Variants in AURKB observed in about 807,000 individuals in gnomAD.
AURKB encodes aurora kinase B.
In AURKB, 28 loss-of-function variants were observed where a neutral mutation model predicts 36.5. That is an observed-to-expected ratio of 0.77 (90% CI 0.57 to 1.05). AURKB has a LOEUF of 1.05. AURKB is among the 50% of genes least tolerant of loss of function. AURKB has a pLI of 0.00. For synonymous variants in AURKB, 175 were observed against 172.9 expected (o/e 1.01, Z -0.09); for missense variants, 383 against 447.4 (o/e 0.86, Z 1.30).
At chr17:8,207,445 C>T (rs1373400691) in intron 4 of AURKB, 78 bp from the exon 5 acceptor site, 3 of 1,563,918 alleles carry the variant, frequency 1.9e-6, no homozygotes, top group Non-Finnish European at 2.6e-6. Flanking sequence ...GCTTCCTCAT[C>T]CCATCCTGTC....
In AURKB at chr17:8,205,331, A is replaced by C. The variant is rs1195973827; in HGVS notation, c.746T>G (p.Met249Arg). Residue 249 changes from methionine (M) to arginine (R), a missense_variant, in exon 8 of 9, where the codon ATG becomes AGG. Around this residue, in one of 3 missense-constraint regions of AURKB, gnomAD observed 219 missense variants for 252.6 expected, o/e 0.87. Coordinates refer to ENST00000585124, the MANE Select transcript of AURKB (RefSeq NM_004217.4). Reference protein sequence around the residue: ...YLPPEMIEGRMHNEKVDLWCI... With the variant: ...YLPPEMIEGRRHNEKVDLWCI... The stretch of plus-strand genomic sequence containing the variant: ...CCACAGATCCACCTTCTCATTGTGC[A>C]TGCGCCCCTCAATCATCTCTGGGGG... The C allele has an allele frequency of 1.2e-6, 2 of 1,614,040 alleles. No individual in the cohort carries two copies. Among genetic ancestry groups the C allele is most frequent in the African/African-American group, 1.3e-5 (1 of 74,908 alleles).
In AURKB at chr17:8,204,896, G is replaced by A; in HGVS notation, c.1010C>T (p.Pro337Leu). ...VRANSRRVLP[P>L]SALQSVA The stretch of plus-strand genomic sequence containing the variant: ...TCAGGCGACAGATTGAAGGGCAGAG[G>A]GAGGCAGCACCCTCCGAGAGTTGGC... The change falls in exon 9 of 9, where the codon CCC becomes CTC. Residue 337 changes from proline (P) to leucine (L), a missense_variant. Coordinates refer to ENST00000585124, the MANE Select transcript of AURKB (RefSeq NM_004217.4). The A allele has an allele frequency of 1.2e-6, 2 of 1,609,134 alleles. No individual in the cohort carries two copies. The highest frequency in any genetic ancestry group is 1.7e-6 in the Non-Finnish European group (2 of 1,178,852).
intron 8 of AURKB, 84 bp downstream of exon 8, chr17:8,205,132 G>A: frequency 6.5e-7 from 1 of 1,549,382 alleles, no homozygotes; most frequent in South Asian, 1.2e-5. Flanking sequence ...AGTTACTTAG[G>A]GCCATGCAAA....
At chr17:8,209,815 C>T in intron 2 of AURKB, 2 of 357,072 alleles carry the variant, frequency 5.6e-6, no homozygotes, top group Admixed American at 4.7e-5. Context: ...ACTTTATATC[C>T]TTTTAGAGTC....
intron 5 of AURKB, 114 bp downstream of exon 5, chr17:8,207,062 A>AT: frequency 1.4e-6 from 2 of 1,441,066 alleles, no homozygotes; most frequent in Non-Finnish European, 1.9e-6. Context: ...TAAGAGCTAA[A>AT]TGGGGCTCAC....
Position 8,206,945 on chromosome 17 carries a change from T to C in AURKB, c.399-57A>G. ...AAAGGCATAAAAGAGCTGGAAAAGA[T>C]GATAGGAGCAAACTGGGGTCAGACG... On this transcript the variant is annotated intron_variant, in intron 5 of 8. Transcript: ENST00000585124. The surrounding 1 kb of genome is among the most constrained non-coding windows in gnomAD (Gnocchi z 4.2). The C allele has an allele frequency of 6.2e-7, 1 of 1,611,400 alleles. No homozygotes were observed. The highest frequency in any genetic ancestry group is 1.1e-5 in the South Asian group (1 of 90,932).
chr17:8,208,093 C>G (rs1985603412), intron 2 of AURKB: 1 of 346,644 alleles, frequency 2.9e-6, no homozygotes, highest in Non-Finnish European at 5.3e-6. Context: ...CCAGCCTGGC[C>G]AACATGGTGA....
chr17:8,207,162 G>A lies in AURKB; in HGVS notation c.398+14C>T, dbSNP rs192781364. On this transcript the variant is annotated intron_variant, in intron 5 of 8. Transcript: ENST00000585124. ...GAGCAGAGGGGCTTCGGCTCAGGGG[G>A]CATCAACCCATACTGCAGGTGGGCC... 154 of 1,607,352 alleles carry A rather than the reference G, an allele frequency of 9.6e-5. No homozygotes were observed. The African/African-American group carries it at 1.6e-3, about 17-fold the overall frequency.
rs576118477 is a variant in AURKB at position 8,206,217 on chromosome 17, G to A, written c.686+274C>T. On this transcript the variant is annotated intron_variant, in intron 7 of 8. Transcript: ENST00000585124. This position sits in a 1 kb window ranked among gnomAD's most constrained non-coding sequence, Gnocchi z 4.2. ...GTAATCTCGGCTCACTGCAACCTCC[G>A]CCTCCCAGGTTCAAACAATTCTCCT... Among the ~76,000 whole-genome samples the A allele has an allele frequency of 1.3e-4, 19 of 147,888 alleles. No homozygotes were observed. Among genetic ancestry groups the A allele is most frequent in the South Asian group, 1.3e-3 (6 of 4,704 alleles).
intron 2 of AURKB, among the ~76,000 whole-genome samples, chr17:8,208,825 A>G (rs535994826): frequency 9.9e-5 from 15 of 152,250 alleles, no homozygotes; most frequent in African/African-American, 3.4e-4. Context: ...GTCAATGAAC[A>G]CCCACAATTC....
intron 2 of AURKB, chr17:8,209,932 C>CTGCA (rs1985880784): frequency 3.4e-6 from 2 of 580,078 alleles, no homozygotes; most frequent in African/African-American, 1.9e-5. Flanking sequence ...TTGTATGTGA[C>CTGCA]GAGCCCTGCA....
At position 8,206,058 on chromosome 17, in the gene AURKB, C is replaced by T. The variant is rs1985219346; in HGVS notation, c.686+433G>A. On this transcript the variant is annotated intron_variant, in intron 7 of 8. Transcript: ENST00000585124. This position sits in a 1 kb window ranked among gnomAD's most constrained non-coding sequence, Gnocchi z 4.2. ...GGTAGGCGTGAGCCACCGCGCCTGG[C>T]CAAAGTTTTACCATTGGCCCCTACA... Among the ~76,000 whole-genome samples the T allele has an allele frequency of 1.3e-5, 2 of 151,986 alleles. No homozygotes were observed. Among genetic ancestry groups the T allele is most frequent in the South Asian group, 4.2e-4 (2 of 4,818 alleles).
intron 7 of AURKB, 91 bp from the exon 8 acceptor site, chr17:8,205,481 G>A (rs1369316986): frequency 1.2e-5 from 18 of 1,498,842 alleles, no homozygotes; most frequent in Non-Finnish European, 1.5e-5. Context: ...AAAAGACCAC[G>A]GGATGTACCA....
At chr17:8,205,495 G>T in intron 7 of AURKB, 105 bp from the exon 8 acceptor site, 1 of 1,434,748 alleles carries the variant, frequency 7.0e-7, no homozygotes, top group Non-Finnish European at 9.5e-7. Flanking sequence ...TGTACCAGGG[G>T]AGAGGTCCAG....
At position 8,204,771 on chromosome 17, in the gene AURKB, G is replaced by A; in HGVS notation, c.*100C>T. On this transcript the variant is annotated 3_prime_UTR_variant, in exon 9 of 9. Transcript: ENST00000585124. The stretch of plus-strand genomic sequence containing the variant: ...GCTTCAGCCTTTATTAAACAAAGGA[G>A]GAGGTAGAAAACAGATAAGGGAACA... 3 of 1,471,628 alleles carry A rather than the reference G, an allele frequency of 2.0e-6. No individual in the cohort carries two copies. Among genetic ancestry groups the A allele is most frequent in the Non-Finnish European group, 2.8e-6 (3 of 1,075,652 alleles). The allele number at this position is 1,471,628 out of a possible 1,614,324, so 91.2% of individuals were successfully genotyped here. A position where few individuals can be genotyped will look rare whatever the true frequency, so the allele number is the denominator to read the frequency against.
intron 7 of AURKB, among the ~76,000 whole-genome samples, chr17:8,205,821 C>T (rs1985185325): frequency 1.3e-5 from 2 of 152,144 alleles, no homozygotes; most frequent in Admixed American, 1.3e-4. Context: ...GATCTTGGCT[C>T]ACTGCAACCT....
chr17:8,205,120 G>A, intron 8 of AURKB, 76 bp from the exon 9 acceptor site: 1 of 1,543,106 alleles, frequency 6.5e-7, no homozygotes, highest in Non-Finnish European at 8.7e-7. Flanking sequence ...CATTCTGTTT[G>A]GAGTTACTTA....
chr17:8,207,460 G>T, intron 4 of AURKB, 93 bp from the exon 5 acceptor site: 2 of 1,548,758 alleles, frequency 1.3e-6, no homozygotes, highest in Non-Finnish European at 1.8e-6. Flanking sequence ...CCTGTCCTCC[G>T]CCCCACTTGT....
intron 2 of AURKB, 102 bp from the exon 3 acceptor site, chr17:8,207,942 C>G: frequency 1.2e-6 from 1 of 829,656 alleles, no homozygotes; most frequent in Non-Finnish European, 1.9e-6. Context: ...GAGCCACCCA[C>G]CCACCTACCC....
Sources: allele counts gnomAD v4.1 joint callset (sites outside exome capture counted in the v4.1 genomes callset), GRCh38; gene constraint gnomAD v4.1.1; regional missense constraint gnomAD v4.1.1; non-coding constraint Gnocchi (gnomAD v3.1); transcripts MANE v1.5; gene names NCBI Gene and HGNC (gene_info 2026-07-23, HGNC 2026-07-21).